SSH2: variants seen among roughly 807,000 people sequenced by gnomAD.
SSH2 encodes the protein slingshot protein phosphatase 2.
In SSH2, 37 loss-of-function variants were observed where a neutral mutation model predicts 135.2. That is an observed-to-expected ratio of 0.27 (90% CI 0.21 to 0.36). The LOEUF (loss-of-function observed/expected upper bound fraction) is 0.36, where lower values mean the gene tolerates loss of function less well. Among genes scored for constraint, SSH2 ranks in the 10% least tolerant of loss-of-function variants. The pLI is 1.00. For synonymous variants in SSH2, 628 were observed against 646.2 expected (o/e 0.97, Z 0.43); for missense variants, 1,408 against 1,765.3 (o/e 0.80, Z 3.63).
At chr17:29,777,729 G>A (rs2041735340) in intron 3 of SSH2, 1 of 178,420 alleles carries the variant, frequency 5.6e-6, no homozygotes, top group Non-Finnish European at 1.2e-5. Context: ...TGCCCTAATG[G>A]ACCTTGGAGA....
chr17:29,673,695 C>T (rs2037589498), intron 8 of SSH2, among the ~76,000 whole-genome samples: 1 of 152,108 alleles, frequency 6.6e-6, no homozygotes, highest in South Asian at 2.1e-4. Flanking sequence ...GAAATAACCA[C>T]TGTTAAGATT....
At chr17:29,654,609 G>A (rs990822695) in intron 12 of SSH2, among the ~76,000 whole-genome samples, 7 of 152,072 alleles carry the variant, frequency 4.6e-5, no homozygotes, top group South Asian at 2.1e-4. Flanking sequence ...TTTTCTTATT[G>A]GGATTAGCTG....
At chr17:29,831,246 G>A (rs1048901746) in intron 2 of SSH2, among the ~76,000 whole-genome samples, 24 of 150,264 alleles carry the variant, frequency 1.6e-4, no homozygotes, top group Admixed American at 5.3e-4. Flanking sequence ...CATTGAACAC[G>A]TCTGCAGACA....
At chr17:29,753,330 A>T (rs1474689603) in intron 3 of SSH2, among the ~76,000 whole-genome samples, 2 of 151,500 alleles carry the variant, frequency 1.3e-5, no homozygotes, top group Non-Finnish European at 2.9e-5. Flanking sequence ...GGGTTTCACC[A>T]TGTTGTCCAG....
intron 3 of SSH2, among the ~76,000 whole-genome samples, chr17:29,751,513 T>C (rs1244623608): frequency 6.6e-6 from 1 of 152,218 alleles, no homozygotes; most frequent in Non-Finnish European, 1.5e-5. Flanking sequence ...CGCAGTCGCT[T>C]ATTATCAAGC....
rs1296284304 is a variant in SSH2, at chr17:29,627,204, A to G, written c.*3637T>C. On this transcript the variant is annotated 3_prime_UTR_variant, in exon 16 of 16. Coordinates refer to ENST00000540801, the MANE Select transcript of SSH2 (RefSeq NM_001282129.2). ...AAATGTAAACAAAGTATCCACAAAT[A>G]GTCCAAAAAAGCCAAAGAATGGCTT... 2 of 152,686 alleles carry G rather than the reference A, an allele frequency of 1.3e-5. No homozygotes were observed. Among genetic ancestry groups the G allele is most frequent in the Non-Finnish European group, 2.9e-5 (2 of 68,042 alleles). The allele number at this position is 152,686 out of a possible 1,614,324, so 9.5% of individuals were successfully genotyped here.
intron 1 of SSH2, among the ~76,000 whole-genome samples, chr17:29,927,113 G>C (rs188020540): frequency 2.0e-5 from 3 of 152,098 alleles, no homozygotes; most frequent in Non-Finnish European, 4.4e-5. Flanking sequence ...CATGTAAAGC[G>C]CTTAACATGA....
At chr17:29,792,551 A>G (rs554523039) in intron 3 of SSH2, among the ~76,000 whole-genome samples, 1 of 152,306 alleles carries the variant, frequency 6.6e-6, no homozygotes, top group African/African-American at 2.4e-5. Flanking sequence ...ACAAATCAGG[A>G]AAAAAACTAC....
At chr17:29,703,239 AGAC>A (rs1488049058) in intron 3 of SSH2, among the ~76,000 whole-genome samples, 177 bp from the exon 4 acceptor site, 14 of 152,188 alleles carry the variant, frequency 9.2e-5, no homozygotes, top group African/African-American at 2.6e-4. Context: ...TGTCTACTCT[AGAC>A]AAGTTTGCTT....
intron 1 of SSH2, among the ~76,000 whole-genome samples, chr17:29,860,023 T>C (rs1356530974): frequency 3.9e-5 from 6 of 152,058 alleles, no homozygotes; most frequent in African/African-American, 7.2e-5. Context: ...ATTTTTTGTA[T>C]TTTTAGTAGA....
intron 1 of SSH2, among the ~76,000 whole-genome samples, chr17:29,883,753 T>C (rs902191062): frequency 2.6e-5 from 4 of 152,158 alleles, no homozygotes; most frequent in African/African-American, 9.7e-5. Flanking sequence ...CTGAGACCTG[T>C]TCCTATCAAT....
At chr17:29,923,548 A>G (rs1036700731) in intron 1 of SSH2, among the ~76,000 whole-genome samples, 4 of 151,446 alleles carry the variant, frequency 2.6e-5, no homozygotes, top group Non-Finnish European at 5.9e-5. Context: ...TGAGCCCAGG[A>G]GGTCAAGGCT....
chr17:29,706,089 C>T (rs1567899623), intron 3 of SSH2, among the ~76,000 whole-genome samples: 1 of 152,090 alleles, frequency 6.6e-6, no homozygotes. Flanking sequence ...CAGTTTTTTC[C>T]ACACTGTATG....
intron 1 of SSH2, among the ~76,000 whole-genome samples, chr17:29,849,853 A>AG (rs1237782376): frequency 7.1e-5 from 6 of 84,034 alleles, no homozygotes; most frequent in African/African-American, 3.0e-4. Flanking sequence ...AAAAAAAAAA[A>AG]AAGTATATAT....
chr17:29,784,453 T>G (rs901928558), intron 3 of SSH2, among the ~76,000 whole-genome samples: 1 of 151,480 alleles, frequency 6.6e-6, no homozygotes, highest in Non-Finnish European at 1.5e-5. Context: ...AAAAATTAGC[T>G]GGGTGTGGTG....
At position 29,631,122 on chromosome 17, in the gene SSH2, CTGT is replaced by C. The variant is rs1383073024; in HGVS notation, c.4069_4071del (p.Thr1357del). ...ACTGGCTTGCTCTGCACAATACACT[CTGT>C]TGTTGTGAGTTGTTCTACAAAAGAC... is the stretch of plus-strand genomic sequence containing the variant. On this transcript the variant is annotated inframe_deletion, in exon 16 of 16. Coordinates refer to ENST00000540801, the MANE Select transcript of SSH2 (RefSeq NM_001282129.2). 7 of 1,614,088 alleles carry C rather than the reference CTGT, an allele frequency of 4.3e-6. No individual in the cohort carries two copies. Among genetic ancestry groups the C allele is most frequent in the Middle Eastern group, 1.6e-4 (1 of 6,084 alleles).
chr17:29,836,741 C>G (rs2042949736), intron 2 of SSH2, among the ~76,000 whole-genome samples: 1 of 152,168 alleles, frequency 6.6e-6, no homozygotes, highest in African/African-American at 2.4e-5. Context: ...TACCGCTTTT[C>G]TACTGCCAAA....
At position 29,929,979 on chromosome 17, in the gene SSH2, G is replaced by A; in HGVS notation, c.22C>T (p.Arg8Trp). Residue 8 changes from arginine (R) to tryptophan (W), a missense_variant, in exon 1 of 16, where the codon CGG (arginine) becomes TGG (tryptophan). Transcript: ENST00000540801. MALVTVQRSPTPSTTSSP... is the reference protein window; with the variant it reads MALVTVQWSPTPSTTSSP... ...GAGGTGGTGCTGGGGGTAGGTGACC[G>A]CTGGACCGTGACCAAAGCCATCTAG... 1 of 1,603,482 alleles carries A rather than the reference G, an allele frequency of 6.2e-7. No homozygotes were observed. Among genetic ancestry groups the A allele is most frequent in the Admixed American group, 1.7e-5 (1 of 58,818 alleles).
At chr17:29,816,817 C>T (rs985923073) in intron 2 of SSH2, among the ~76,000 whole-genome samples, 4 of 152,052 alleles carry the variant, frequency 2.6e-5, no homozygotes, top group African/African-American at 9.7e-5. Context: ...GCTAGTGATC[C>T]TTGCTAACAC....
Sources: allele counts gnomAD v4.1 joint callset (sites outside exome capture counted in the v4.1 genomes callset), GRCh38; gene constraint gnomAD v4.1.1; transcripts MANE v1.5; gene names NCBI Gene and HGNC (gene_info 2026-07-23, HGNC 2026-07-21).